EVA1C: variants seen among roughly 807,000 people sequenced by gnomAD.
The protein encoded by EVA1C is protein eva-1 homolog C.
Under a neutral mutation model 45.4 loss-of-function variants are expected in EVA1C, and 25 were observed. The ratio of observed to expected loss-of-function variants is 0.55; its 90% CI spans 0.40 to 0.77. The LOEUF (loss-of-function observed/expected upper bound fraction) is 0.77. EVA1C is among the 30% of genes least tolerant of loss of function. The pLI is 0.00. For missense variants in EVA1C, 479 were observed against 554.8 expected, an observed-to-expected ratio of 0.86 and a Z score of 1.37; for synonymous variants, 190 against 221.2, an observed-to-expected ratio of 0.86 and a Z score of 1.25.
rs1289763740 is a variant in EVA1C at position 32,495,271 on chromosome 21, A to G, written c.778+101A>G. 4.0e-6 allele frequency: 5 copies of G among 1,249,348 alleles called. No homozygotes were observed. In the South Asian group the frequency reaches 7.3e-5, roughly 18 times the overall value. 77.4% of individuals were successfully genotyped at this position (1,249,348 alleles called of 1,614,324 possible). A position where few individuals can be genotyped will look rare whatever the true frequency, so the allele number is the denominator to read the frequency against. The stretch of plus-strand genomic sequence containing the variant: ...GGAGTTTGCCCAGAACAAGCCAAAC[A>G]CTGCTCCTCCTGAAGCTGTTTGGTC... On this transcript the variant is annotated intron_variant, in intron 5 of 7. Transcript: ENST00000300255.
intron 4 of EVA1C, among the ~76,000 whole-genome samples, chr21:32,484,522 C>T (rs1287728881): frequency 6.7e-5 from 10 of 148,326 alleles, no homozygotes; most frequent in African/African-American, 1.2e-4. Context: ...CCAGCCTGGG[C>T]GACAAAGAGA....
At chr21:32,415,070 A>G (rs888444671) in intron 1 of EVA1C, among the ~76,000 whole-genome samples, 5 of 152,178 alleles carry the variant, frequency 3.3e-5, no homozygotes, top group Non-Finnish European at 5.9e-5. Context: ...AGCTCCAAAG[A>G]TGACCATCTT....
intron 7 of EVA1C, 138 bp downstream of exon 7, chr21:32,504,153 A>C: frequency 1.6e-6 from 1 of 635,520 alleles, no homozygotes. Flanking sequence ...ACCACTTCTA[A>C]GATTCAGAAA....
chr21:32,463,051 C>T (rs971087782), intron 3 of EVA1C, among the ~76,000 whole-genome samples: 2 of 152,160 alleles, frequency 1.3e-5, no homozygotes, highest in East Asian at 1.9e-4. Context: ...GAGCTGGTCT[C>T]GGCAGTGATG....
intron 4 of EVA1C, among the ~76,000 whole-genome samples, chr21:32,468,299 G>A (rs1373255510): frequency 6.6e-6 from 1 of 151,838 alleles, no homozygotes; most frequent in Non-Finnish European, 1.5e-5. Flanking sequence ...AACCCGGGAG[G>A]TGAAGGTTGC....
At chr21:32,450,746 CG>C (rs559721484) in intron 1 of EVA1C, among the ~76,000 whole-genome samples, 55 of 152,022 alleles carry the variant, frequency 3.6e-4, no homozygotes, top group African/African-American at 1.3e-3. Context: ...GTGTGCCAGG[CG>C]GGAAGACACT....
At chr21:32,456,703 A>G (rs1240829289) in intron 2 of EVA1C, among the ~76,000 whole-genome samples, 1 of 152,014 alleles carries the variant, frequency 6.6e-6, no homozygotes, top group Non-Finnish European at 1.5e-5. Flanking sequence ...TTTTAACTGT[A>G]CTTGATGTCC....
chr21:32,479,303 A>G (rs8128064), intron 4 of EVA1C, among the ~76,000 whole-genome samples: 57,188 of 151,880 alleles, frequency 0.38, 11,042 homozygotes, highest in East Asian at 0.5. Flanking sequence ...CATGTCTGTA[A>G]TCCTAGCTAC....
intron 1 of EVA1C, among the ~76,000 whole-genome samples, chr21:32,422,321 T>C (rs971051716): frequency 6.6e-6 from 1 of 151,822 alleles, no homozygotes; most frequent in Non-Finnish European, 1.5e-5. Flanking sequence ...ATGGAAAACA[T>C]GGAAGAAAAG....
At chr21:32,414,828 T>C (rs184944118) in intron 1 of EVA1C, among the ~76,000 whole-genome samples, 219 of 152,294 alleles carry the variant, frequency 1.4e-3, no homozygotes, top group African/African-American at 4.8e-3. Flanking sequence ...CTCTCATCAG[T>C]GATGCTCTCC....
intron 1 of EVA1C, among the ~76,000 whole-genome samples, chr21:32,428,897 A>G (rs1416887863): frequency 6.6e-6 from 1 of 152,244 alleles, no homozygotes; most frequent in African/African-American, 2.4e-5. Context: ...ACCTGAGGGA[A>G]GAGTGTATTT....
chr21:32,466,219 G>C (rs573965506), intron 3 of EVA1C, among the ~76,000 whole-genome samples: 1 of 152,262 alleles, frequency 6.6e-6, no homozygotes, highest in East Asian at 1.9e-4. Flanking sequence ...AGGAGATCAA[G>C]ACCATCCTGG....
In EVA1C at chr21:32,495,175, G is replaced by A; in HGVS notation, c.778+5G>A. On this transcript the variant is annotated splice_donor_5th_base_variant and intron_variant, in intron 5 of 7. Coordinates refer to ENST00000300255, the MANE Select transcript of EVA1C (RefSeq NM_058187.5). ...TCACTGTGACCTACGCATGTGGTAAGAACACACCCCCGACCAGCTGCCTGA... is the reference window on the plus strand; with the variant it reads ...TCACTGTGACCTACGCATGTGGTAAAAACACACCCCCGACCAGCTGCCTGA... The A allele has an allele frequency of 1.9e-6, 3 of 1,613,772 alleles. No homozygotes were observed. Among genetic ancestry groups the A allele is most frequent in the Non-Finnish European group, 2.5e-6 (3 of 1,179,840 alleles).
At chr21:32,499,075 T>C (rs187483332) in intron 5 of EVA1C, among the ~76,000 whole-genome samples, 34 of 152,364 alleles carry the variant, frequency 2.2e-4, no homozygotes, top group Admixed American at 1.9e-3. Flanking sequence ...CTGGTTATTC[T>C]GCAAAGTGCA....
rs773681344 is a variant in EVA1C, at chr21:32,501,484, A to G, written c.848A>G (p.Asp283Gly). ...ANLKPSLKQK[D>G]GEYGINFDPS... ...CTAAAACCTTCTTTGAAGCAGAAAG[A>G]TGGTGAATATGGTAATTTTTATGGC... is the stretch of plus-strand genomic sequence containing the variant. The change falls in exon 6 of 8, where the codon GAT becomes GGT. Residue 283 changes from aspartate to glycine, a missense_variant. Asp to Gly is a moderately conservative substitution (Grantham distance 94). This residue lies in a region of EVA1C where 366 missense variants were observed against 426.1 expected (regional missense o/e 0.86). Transcript: ENST00000300255. 6.3e-7 allele frequency: 1 copy of G among 1,594,318 alleles called. No individual in the cohort carries two copies. The highest frequency in any genetic ancestry group is 1.1e-5 in the South Asian group (1 of 90,426).
chr21:32,450,724 GA>G lies in EVA1C; in HGVS notation c.161-2587del, dbSNP rs1291016401. Among the ~76,000 whole-genome samples the G allele has an allele frequency of 2.6e-5, 4 of 152,056 alleles. No individual in the cohort carries two copies. In the East Asian group the frequency reaches 7.7e-4, roughly 29 times the overall value. ...GAATTTTCAGTACTCATTGTTTTAT[GA>G]GGGCCTGCCTGTGTGCCAGGCGGGA... On this transcript the variant is annotated intron_variant, in intron 1 of 7. Transcript: ENST00000300255.
intron 3 of EVA1C, among the ~76,000 whole-genome samples, chr21:32,462,769 G>A (rs541915858): frequency 6.6e-6 from 1 of 152,344 alleles, no homozygotes; most frequent in Admixed American, 6.5e-5. Context: ...GTGCCTTAAG[G>A]ATGTGCTCCT....
rs188340552 is a variant in EVA1C at position 32,471,651 on chromosome 21, C to T, written c.634+3803C>T. Among the ~76,000 whole-genome samples, 394 of 147,740 alleles carry T rather than the reference C, an allele frequency of 2.7e-3. 1 individual carries two copies. The highest frequency in any genetic ancestry group is 9.0e-3 in the African/African-American group (358 of 39,852). On this transcript the variant is annotated intron_variant, in intron 4 of 7. Transcript: ENST00000300255. ...TCCATTTCCTTTTTTTTTTTTTAGA[C>T]GGAGTCTTGCTCTGTCCCCCAGGCT... is the stretch of plus-strand genomic sequence containing the variant.
chr21:32,430,027 A>T (rs1278751017), intron 1 of EVA1C, among the ~76,000 whole-genome samples: 1 of 152,038 alleles, frequency 6.6e-6, no homozygotes. Flanking sequence ...TGAGGCCACG[A>T]CTCTGGGCAG....
Sources: gnomAD v4.1 joint callset for allele counts (sites outside exome capture counted in the v4.1 genomes callset) on GRCh38, gnomAD v4.1.1 for gene constraint, gnomAD v4.1.1 regional missense constraint, MANE v1.5 for transcripts, NCBI Gene and HGNC (gene_info 2026-07-23, HGNC 2026-07-21) for gene names.